Variants in NFATC2 observed in about 807,000 individuals in gnomAD.
The protein encoded by NFATC2 is nuclear factor of activated T cells 2, also known as nuclear factor of activated T-cells, cytoplasmic 2.
Under a neutral mutation model 87.3 loss-of-function variants are expected in NFATC2, and 22 were observed. That is an observed-to-expected ratio of 0.25 (90% CI 0.18 to 0.36). The LOEUF (loss-of-function observed/expected upper bound fraction) is 0.36. Among genes scored for constraint, NFATC2 ranks in the 10% least tolerant of loss-of-function variants. The pLI is 1.00. For missense variants in NFATC2, 1,149 were observed against 1,259.1 expected (o/e 0.91, Z 1.32); for synonymous variants, 565 against 542.2 (o/e 1.04, Z -0.58).
intron 6 of NFATC2, among the ~76,000 whole-genome samples, chr20:51,441,511 T>C (rs1428188608): frequency 6.6e-6 from 1 of 151,524 alleles, no homozygotes; most frequent in Non-Finnish European, 1.5e-5. Flanking sequence ...AGGTCAGGAG[T>C]TCGAGACCCA....
intron 9 of NFATC2, among the ~76,000 whole-genome samples, chr20:51,406,883 T>C (rs12624853): frequency 0.83 from 126,639 of 152,182 alleles, 53,252 homozygotes; most frequent in South Asian, 0.91. Context: ...GACCACTTGC[T>C]GGCCGCCTCG....
chr20:51,516,808 T>G lies in NFATC2; in HGVS notation c.1308A>C (p.Pro436=). Residue 436 remains proline, a synonymous_variant, in exon 3 of 11, where the codon CCA becomes CCC. Coordinates refer to ENST00000371564, the MANE Select transcript of NFATC2 (RefSeq NM_012340.5). ...TEGSRGAVKA[P]TGGHPVVQLH... The stretch of plus-strand genomic sequence containing the variant: ...CCTGAACCACAGGGTGGCCTCCAGT[T>G]GGAGCTTTGACAGCCCCTCGGCTGC... 1 of 1,611,918 alleles carries G rather than the reference T, an allele frequency of 6.2e-7. No individual in the cohort carries two copies. Among genetic ancestry groups the G allele is most frequent in the Middle Eastern group, 1.7e-4 (1 of 6,050 alleles).
rs369906770 is a variant in NFATC2 at position 51,432,119 on chromosome 20, C to G, written c.2670G>C (p.Ala890=). 6.4e-7 allele frequency: 1 copy of G among 1,567,920 alleles called. No homozygotes were observed. Among genetic ancestry groups the G allele is most frequent in the Non-Finnish European group, 8.7e-7 (1 of 1,153,748 alleles). The change falls in exon 9 of 11, where the codon GCG becomes GCC. Residue 890 remains alanine, a synonymous_variant. Transcript: ENST00000371564. The surrounding 1 kb of genome is among the most constrained non-coding windows in gnomAD (Gnocchi z 4.6). ...TCTGCTCCTGTTTAATGGTCACCCCCGCAGGTAATACTTCCTTTTGGTCAC... is the reference window on the plus strand; with the variant it reads ...TCTGCTCCTGTTTAATGGTCACCCCGGCAGGTAATACTTCCTTTTGGTCAC... ...PVSDQKEVLP[A]GVTIKQEQNL...
In NFATC2 at chr20:51,388,401, C is replaced by A. The variant is rs1330075855; in HGVS notation, c.*3095G>T. 1 of 152,078 alleles carries A rather than the reference C, an allele frequency of 6.6e-6. No homozygotes were observed. The highest frequency in any genetic ancestry group is 1.9e-4 in the East Asian group (1 of 5,184). The allele number at this position is 152,078 out of a possible 1,614,324, so 9.4% of individuals were successfully genotyped here. A position where few individuals can be genotyped will look rare whatever the true frequency, so the allele number is the denominator to read the frequency against. On this transcript the variant is annotated 3_prime_UTR_variant, in exon 11 of 11. Coordinates refer to ENST00000371564, the MANE Select transcript of NFATC2 (RefSeq NM_012340.5). ...GCCATTCCTTCTCCTGAGATGCCAT[C>A]TTCTAGAGAGGTGACTAACAGGCTC...
intron 1 of NFATC2, among the ~76,000 whole-genome samples, chr20:51,536,898 AAC>A (rs10648135): frequency 0.013 from 1,899 of 149,570 alleles, 48 homozygotes; most frequent in African/African-American, 0.043. Flanking sequence ...GCAAGCACCA[AAC>A]ACACACACAC....
intron 3 of NFATC2, among the ~76,000 whole-genome samples, chr20:51,482,969 C>T (rs965278026): frequency 6.6e-5 from 10 of 152,190 alleles, no homozygotes; most frequent in Admixed American, 4.6e-4. Context: ...CCCCAGGACA[C>T]GCGATCTGAG....
intron 1 of NFATC2, among the ~76,000 whole-genome samples, chr20:51,530,275 T>G (rs971405693): frequency 6.6e-6 from 1 of 152,160 alleles, no homozygotes; most frequent in Non-Finnish European, 1.5e-5. Context: ...CAAGCGATTC[T>G]CCTGCCTCAG....
chr20:51,437,769 C>T (rs1218030287), intron 6 of NFATC2, among the ~76,000 whole-genome samples: 1 of 152,214 alleles, frequency 6.6e-6, no homozygotes, highest in Non-Finnish European at 1.5e-5. Flanking sequence ...AGTTTGTTTA[C>T]TGACTCTCAC....
chr20:51,472,150 A>C (rs1396386959), intron 5 of NFATC2, among the ~76,000 whole-genome samples: 1 of 152,150 alleles, frequency 6.6e-6, no homozygotes, highest in Non-Finnish European at 1.5e-5. Context: ...AGTTACTTGG[A>C]GGGCTGAGGC....
chr20:51,489,145 G>A (rs552996562), intron 3 of NFATC2, among the ~76,000 whole-genome samples: 49 of 152,344 alleles, frequency 3.2e-4, no homozygotes, highest in African/African-American at 7.5e-4. Flanking sequence ...AGCCAAGATC[G>A]TGCCACTGCA....
At chr20:51,434,639 A>G (rs943326222) in intron 8 of NFATC2, among the ~76,000 whole-genome samples, 2 of 152,224 alleles carry the variant, frequency 1.3e-5, no homozygotes, top group Non-Finnish European at 2.9e-5. Flanking sequence ...AGCCAAGAAC[A>G]GTGCCTGACA....
chr20:51,472,253 T>C (rs575346137), intron 5 of NFATC2, among the ~76,000 whole-genome samples: 1 of 152,308 alleles, frequency 6.6e-6, no homozygotes, highest in East Asian at 1.9e-4. Flanking sequence ...AGATTCCTTC[T>C]TAATAAAATA....
At chr20:51,467,873 A>G (rs1306025073) in intron 5 of NFATC2, among the ~76,000 whole-genome samples, 1 of 152,246 alleles carries the variant, frequency 6.6e-6, no homozygotes, top group Non-Finnish European at 1.5e-5. Flanking sequence ...AGGAATGTGC[A>G]TAGTAGCCTT....
At chr20:51,553,516 A>C (rs1304905438) in intron 1 of NFATC2, among the ~76,000 whole-genome samples, 1 of 152,098 alleles carries the variant, frequency 6.6e-6, no homozygotes, top group East Asian at 1.9e-4. Flanking sequence ...TCTACTAAAA[A>C]TACAAAAAAT....
chr20:51,521,407 G>A (rs1053814481), intron 2 of NFATC2, among the ~76,000 whole-genome samples: 4 of 151,996 alleles, frequency 2.6e-5, no homozygotes, highest in African/African-American at 4.8e-5. Flanking sequence ...TGCAACCTCC[G>A]CCTCCCAGGT....
intron 3 of NFATC2, among the ~76,000 whole-genome samples, chr20:51,515,845 T>C (rs2076342969): frequency 1.3e-5 from 2 of 152,182 alleles, no homozygotes; most frequent in African/African-American, 4.8e-5. Flanking sequence ...TGTTATATAG[T>C]TTCTAATTTA....
At position 51,507,606 on chromosome 20, in the gene NFATC2, A is replaced by C. The variant is rs141780194; in HGVS notation, c.1332+9178T>G. On this transcript the variant is annotated intron_variant, in intron 3 of 10. Coordinates refer to ENST00000371564, the MANE Select transcript of NFATC2 (RefSeq NM_012340.5). ...AATAGCCTGACAGACGTAAGTCTAC[A>C]TCACTTTATCATTGAAGAAACTACT... Among the ~76,000 whole-genome samples, 530 of 152,342 alleles carry C rather than the reference A, an allele frequency of 3.5e-3. 1 individual carries two copies. The highest frequency in any genetic ancestry group is 5.4e-3 in the Non-Finnish European group (370 of 68,028).
chr20:51,447,355 A>G (rs1812327018), intron 6 of NFATC2, among the ~76,000 whole-genome samples: 1 of 152,350 alleles, frequency 6.6e-6, no homozygotes, highest in African/African-American at 2.4e-5. Flanking sequence ...TAAGTTTCAA[A>G]GCTGAGTAAT....
chr20:51,523,466 C>T lies in NFATC2; in HGVS notation c.775G>A (p.Ala259Thr). ...GAKRRHSCAEALVALPPGASP... is the reference protein window; with the variant it reads ...GAKRRHSCAETLVALPPGASP... ...GCTCCGGGCGGCAGGGCAACCAAGG[C>T]CTCGGCGCACGAATGCCTCCGCTTG... Residue 259 changes from alanine to threonine, a missense_variant, in exon 2 of 11, where the codon GCC becomes ACC. Around this residue, in one of 3 missense-constraint regions of NFATC2, gnomAD observed 563 missense variants for 585.2 expected, o/e 0.96. Coordinates refer to ENST00000371564, the MANE Select transcript of NFATC2 (RefSeq NM_012340.5). The surrounding 1 kb of genome is among the most constrained non-coding windows in gnomAD (Gnocchi z 6.9). The T allele has an allele frequency of 2.5e-6, 4 of 1,610,478 alleles. No homozygotes were observed. The highest frequency in any genetic ancestry group is 1.1e-5 in the South Asian group (1 of 90,932).
Sources: gnomAD v4.1 joint callset for allele counts (sites outside exome capture counted in the v4.1 genomes callset) on GRCh38, gnomAD v4.1.1 for gene constraint, gnomAD v4.1.1 regional missense constraint, Gnocchi (gnomAD v3.1) non-coding constraint, MANE v1.5 for transcripts, NCBI Gene and HGNC (gene_info 2026-07-23, HGNC 2026-07-21) for gene names.